Variants in CA10 observed in about 807,000 individuals in gnomAD.
CA10 encodes carbonic anhydrase 10 (inactive).
CA10 carries 14 observed loss-of-function variants against 44.2 expected under a neutral mutation model. That is an observed-to-expected ratio of 0.32 (90% CI 0.21 to 0.50). CA10 has a LOEUF of 0.50. CA10 is among the 20% of genes least tolerant of loss of function. CA10 has a pLI of 0.99. For missense variants in CA10, 350 were observed against 409.7 expected (o/e 0.85, Z 1.26); for synonymous variants, 159 against 141.6 (o/e 1.12, Z -0.87).
chr17:51,843,124 A>C (rs1359959478), intron 3 of CA10, among the ~76,000 whole-genome samples: 2 of 152,218 alleles, frequency 1.3e-5, no homozygotes, highest in African/African-American at 2.4e-5. Context: ...CAGAAGAAAC[A>C]AACTGTGGAG....
At chr17:51,982,465 T>C (rs1220904921) in intron 2 of CA10, among the ~76,000 whole-genome samples, 1 of 151,940 alleles carries the variant, frequency 6.6e-6, no homozygotes, top group African/African-American at 2.4e-5. Context: ...GGAAATGTAA[T>C]GCCCTGACTC....
chr17:51,691,440 G>T (rs1466128415), intron 4 of CA10, among the ~76,000 whole-genome samples: 1 of 152,052 alleles, frequency 6.6e-6, no homozygotes, highest in East Asian at 1.9e-4. Context: ...CTATTGAGTT[G>T]CTTGAGCTCC....
intron 3 of CA10, among the ~76,000 whole-genome samples, chr17:51,906,834 C>T (rs1390585358): frequency 6.6e-6 from 1 of 152,150 alleles, no homozygotes; most frequent in East Asian, 1.9e-4. Context: ...TCCAATCCAT[C>T]TGCATGTCCT....
At chr17:52,024,475 G>T (rs1010547959) in intron 2 of CA10, among the ~76,000 whole-genome samples, 1 of 151,860 alleles carries the variant, frequency 6.6e-6, no homozygotes, top group Non-Finnish European at 1.5e-5. Context: ...GCATGCTTGA[G>T]GGGCTGCCAA....
chr17:51,673,791 C>G (rs1291364444), intron 4 of CA10, among the ~76,000 whole-genome samples: 5 of 152,200 alleles, frequency 3.3e-5, no homozygotes, highest in African/African-American at 1.2e-4. Context: ...ACCTTAGTTC[C>G]CTATGGGAAA....
intron 4 of CA10, 88 bp downstream of exon 4, chr17:51,747,545 T>C: frequency 9.2e-7 from 1 of 1,088,772 alleles, no homozygotes. Context: ...AGCGAATCCC[T>C]TTGTTATGTT....
At chr17:52,018,362 G>A (rs1296653012) in intron 2 of CA10, among the ~76,000 whole-genome samples, 1 of 152,118 alleles carries the variant, frequency 6.6e-6, no homozygotes, top group Non-Finnish European at 1.5e-5. Context: ...GCTGTACCCT[G>A]CAAAGCCATA....
At chr17:52,131,687 G>C (rs1989243187) in intron 1 of CA10, among the ~76,000 whole-genome samples, 1 of 152,030 alleles carries the variant, frequency 6.6e-6, no homozygotes, top group Non-Finnish European at 1.5e-5. Flanking sequence ...TCAGAAACTG[G>C]GTAACTTTCA....
chr17:52,032,832 A>G lies in CA10; in HGVS notation c.136+39487T>C, dbSNP rs188965452. 2.6e-5 allele frequency among the ~76,000 whole-genome samples: 4 copies of G among 152,334 alleles called. No individual in the cohort carries two copies. In the East Asian group the frequency reaches 7.7e-4, roughly 29 times the overall value. On this transcript the variant is annotated intron_variant, in intron 2 of 8. Transcript: ENST00000451037. ...ATGTCAATATACTCCAATAAAGCCT[A>G]TAAGGGTCAGCATTGATTCATTATC...
intron 4 of CA10, among the ~76,000 whole-genome samples, chr17:51,675,356 T>A (rs1238503090): frequency 6.6e-6 from 1 of 152,028 alleles, no homozygotes; most frequent in Non-Finnish European, 1.5e-5. Flanking sequence ...GGTCAGGAGT[T>A]TGAGACCAGC....
At chr17:51,791,531 A>G (rs183743627) in intron 3 of CA10, among the ~76,000 whole-genome samples, 1 of 152,218 alleles carries the variant, frequency 6.6e-6, no homozygotes, top group South Asian at 2.1e-4. Context: ...GAATATCAAC[A>G]TAATTTTTTT....
chr17:51,674,293 C>T (rs189022718), intron 4 of CA10, among the ~76,000 whole-genome samples: 1 of 152,336 alleles, frequency 6.6e-6, no homozygotes, highest in East Asian at 1.9e-4. Flanking sequence ...ATTCCTTTCA[C>T]AAGCACAACC....
intron 3 of CA10, among the ~76,000 whole-genome samples, chr17:51,803,472 C>T (rs1907014255): frequency 1.3e-5 from 2 of 152,186 alleles, no homozygotes; most frequent in African/African-American, 4.8e-5. Flanking sequence ...CTCTCCTAGA[C>T]TTGCAATCTA....
chr17:51,732,692 C>G (rs1054915483), intron 4 of CA10, among the ~76,000 whole-genome samples: 1 of 152,138 alleles, frequency 6.6e-6, no homozygotes, highest in Admixed American at 6.5e-5. Context: ...GAGAGGACAT[C>G]AGATCCTCTC....
intron 2 of CA10, among the ~76,000 whole-genome samples, chr17:51,938,567 T>C (rs1285090366): frequency 6.6e-6 from 1 of 152,158 alleles, no homozygotes; most frequent in South Asian, 2.1e-4. Flanking sequence ...GGTCATCCAA[T>C]AGGGTTTTTA....
At chr17:51,680,258 G>A (rs777222383) in intron 4 of CA10, among the ~76,000 whole-genome samples, 1 of 152,198 alleles carries the variant, frequency 6.6e-6, no homozygotes. Flanking sequence ...CGTTGGGGAG[G>A]AAGGAAATCT....
At chr17:51,838,931 A>AT (rs1567857134) in intron 3 of CA10, among the ~76,000 whole-genome samples, 1 of 152,104 alleles carries the variant, frequency 6.6e-6, no homozygotes. Flanking sequence ...TTTTGTTTTC[A>AT]TTTTTTATTT....
intron 3 of CA10, among the ~76,000 whole-genome samples, chr17:51,834,605 T>TGATCTCCTTCC (rs1321966466): frequency 8.5e-5 from 13 of 152,328 alleles, no homozygotes; most frequent in African/African-American, 3.1e-4. Flanking sequence ...ATGTAGCACA[T>TGATCTCCTTCC]GATCTCCCTT....
chr17:51,688,159 C>T (rs1915069051), intron 4 of CA10, among the ~76,000 whole-genome samples: 1 of 152,194 alleles, frequency 6.6e-6, no homozygotes, highest in Non-Finnish European at 1.5e-5. Context: ...CACTGATTCA[C>T]CACCCATATG....
Sources: allele counts gnomAD v4.1 joint callset (sites outside exome capture counted in the v4.1 genomes callset), GRCh38; gene constraint gnomAD v4.1.1; transcripts MANE v1.5; gene names NCBI Gene and HGNC (gene_info 2026-07-23, HGNC 2026-07-21).